Variants in CORIN observed in about 807,000 individuals in gnomAD.
CORIN encodes the protein corin, serine peptidase.
Under a neutral mutation model 125.3 loss-of-function variants are expected in CORIN, and 117 were observed. That is an observed-to-expected ratio of 0.93 (90% CI 0.80 to 1.09). The LOEUF (loss-of-function observed/expected upper bound fraction) is 1.09, where lower values mean the gene tolerates loss of function less well. CORIN is among the 50% of genes least tolerant of loss of function. CORIN has a pLI of 0.00. For missense variants in CORIN, 1,253 were observed against 1,306.7 expected, an observed-to-expected ratio of 0.96 and a Z score of 0.63; for synonymous variants, 450 against 466.4, an observed-to-expected ratio of 0.96 and a Z score of 0.45.
chr4:47,660,578 CTCAACA>C (rs1430622213), intron 12 of CORIN, among the ~76,000 whole-genome samples: 1 of 152,128 alleles, frequency 6.6e-6, no homozygotes, highest in Non-Finnish European at 1.5e-5. Flanking sequence ...TGAAAAGGTG[CTCAACA>C]TCACTGACTA....
intron 21 of CORIN, among the ~76,000 whole-genome samples, chr4:47,596,712 T>C (rs1379508053): frequency 6.6e-6 from 1 of 152,186 alleles, no homozygotes; most frequent in African/African-American, 2.4e-5. Context: ...ATACGTGAAT[T>C]CATTGTGGAA....
chr4:47,784,735 A>T (rs544707026), intron 3 of CORIN, among the ~76,000 whole-genome samples: 1 of 152,276 alleles, frequency 6.6e-6, no homozygotes, highest in African/African-American at 2.4e-5. Flanking sequence ...TGCTTAAGAC[A>T]TGACTGAAAA....
At chr4:47,832,925 T>G (rs561831989) in intron 1 of CORIN, among the ~76,000 whole-genome samples, 2 of 152,186 alleles carry the variant, frequency 1.3e-5, no homozygotes, top group Non-Finnish European at 2.9e-5. Flanking sequence ...AATAAATTTT[T>G]AATTTGATTT....
chr4:47,797,520 A>G (rs73135997), intron 2 of CORIN, among the ~76,000 whole-genome samples: 1,521 of 152,068 alleles, frequency 0.01, 23 homozygotes, highest in African/African-American at 0.033. Context: ...GGCAATTCAA[A>G]TATCTTGCAG....
At chr4:47,654,722 A>T (rs4642223) in intron 12 of CORIN, among the ~76,000 whole-genome samples, 21,083 of 152,072 alleles carry the variant, frequency 0.14, 1,962 homozygotes, top group East Asian at 0.47. Flanking sequence ...GTCCTTAATA[A>T]ACTTGAAAGG....
chr4:47,738,777 A>G (rs1240661290), intron 5 of CORIN, among the ~76,000 whole-genome samples: 2 of 152,196 alleles, frequency 1.3e-5, no homozygotes, highest in Non-Finnish European at 2.9e-5. Context: ...AGTTATTTTA[A>G]CTCATTCAAA....
rs533707594 is a variant in CORIN at position 47,642,001 on chromosome 4, C to T, written c.2117G>A (p.Arg706Lys). The change falls in exon 16 of 22, where the codon AGA becomes AAA. Residue 706 changes from arginine (R) to lysine (K), a missense_variant. Transcript: ENST00000273857. ...VNSSSFLMVH[R>K]AATEHHVCAD... Reference sequence around the variant, plus strand: ...ACACACATGGTGTTCTGTGGCAGCTCTGTGAACCATCAGAAAGGAAGAGGA... The same window carrying T: ...ACACACATGGTGTTCTGTGGCAGCTTTGTGAACCATCAGAAAGGAAGAGGA... 2 of 1,613,550 alleles carry T rather than the reference C, an allele frequency of 1.2e-6. No individual in the cohort carries two copies. Among genetic ancestry groups the T allele is most frequent in the East Asian group, 4.5e-5 (2 of 44,864 alleles).
At chr4:47,621,993 TC>T (rs1314079928) in intron 19 of CORIN, among the ~76,000 whole-genome samples, 9 of 62,032 alleles carry the variant, frequency 1.5e-4, no homozygotes, top group Middle Eastern at 6.6e-3. Context: ...ATGCTATCCC[TC>T]CCCCCTCCCC....
intron 7 of CORIN, chr4:47,683,448 T>G: frequency 7.4e-6 from 2 of 272,016 alleles, no homozygotes; most frequent in African/African-American, 2.2e-5. Flanking sequence ...ACAGAACACA[T>G]TTGAGGAGAG....
At position 47,634,388 on chromosome 4, in the gene CORIN, C is replaced by A. The variant is rs2109587965; in HGVS notation, c.2198+7532G>T. On this transcript the variant is annotated intron_variant, in intron 16 of 21. Coordinates refer to ENST00000273857, the MANE Select transcript of CORIN (RefSeq NM_006587.4). The stretch of plus-strand genomic sequence containing the variant: ...GTGGCTCACGCCTGTAATCCCAGCA[C>A]TTTGGGAGGCCAAAGCAGGTGGATC... Among the ~76,000 whole-genome samples, 3 of 152,324 alleles carry A rather than the reference C, an allele frequency of 2.0e-5. No homozygotes were observed. In the South Asian group the frequency reaches 6.2e-4, roughly 32 times the overall value.
intron 1 of CORIN, among the ~76,000 whole-genome samples, chr4:47,826,838 C>T (rs1024304440): frequency 1.3e-5 from 2 of 152,068 alleles, no homozygotes; most frequent in African/African-American, 4.8e-5. Flanking sequence ...CATAGACACT[C>T]GCTATGTGTT....
At chr4:47,771,507 T>C (rs1730027243) in intron 3 of CORIN, among the ~76,000 whole-genome samples, 1 of 152,114 alleles carries the variant, frequency 6.6e-6, no homozygotes, top group Non-Finnish European at 1.5e-5. Flanking sequence ...ACTTGTGTCA[T>C]GGGGGGCTGT....
intron 5 of CORIN, chr4:47,707,036 T>A: frequency 6.9e-7 from 1 of 1,459,178 alleles, no homozygotes; most frequent in Non-Finnish European, 9.0e-7. Flanking sequence ...TTTAGGACAG[T>A]CATGTCTGCT....
chr4:47,604,849 G>A (rs548712403), intron 19 of CORIN, among the ~76,000 whole-genome samples: 31 of 152,168 alleles, frequency 2.0e-4, no homozygotes, highest in African/African-American at 7.0e-4. Flanking sequence ...ATTAGTCAGA[G>A]CAATATTTAA....
At chr4:47,808,277 A>T (rs1016374332) in intron 1 of CORIN, among the ~76,000 whole-genome samples, 47 of 152,224 alleles carry the variant, frequency 3.1e-4, no homozygotes, top group African/African-American at 1.1e-3. Flanking sequence ...AACTTTTTTT[A>T]AAAAAATGAA....
intron 7 of CORIN, 71 bp from the exon 8 acceptor site, chr4:47,680,322 G>T: frequency 9.6e-7 from 1 of 1,046,364 alleles, no homozygotes; most frequent in Non-Finnish European, 1.5e-6. Context: ...ATGGCTCCCA[G>T]TTCCCATCGA....
At position 47,806,115 on chromosome 4, in the gene CORIN, G is replaced by C. The variant is rs569803486; in HGVS notation, c.208+788C>G. ...TTCTGGTTTTTACTTGGTTAAAAAT[G>C]TGGTATGTAATATTTAGTTTGAGTG... On this transcript the variant is annotated intron_variant, in intron 2 of 21. Coordinates refer to ENST00000273857, the MANE Select transcript of CORIN (RefSeq NM_006587.4). Among the ~76,000 whole-genome samples, 6 of 152,122 alleles carry C rather than the reference G, an allele frequency of 3.9e-5. No individual in the cohort carries two copies. In the South Asian group the frequency reaches 1.2e-3, roughly 32 times the overall value.
rs184641775 is a variant in CORIN, at chr4:47,764,602, T to C, written c.410-1016A>G. Among the ~76,000 whole-genome samples the C allele has an allele frequency of 2.8e-3, 423 of 152,290 alleles. 4 individuals are homozygous for C. The highest frequency in any genetic ancestry group is 9.3e-3 in the African/African-American group (387 of 41,554). The stretch of plus-strand genomic sequence containing the variant: ...CTATATTATACATGAGAAAACTCAA[T>C]TTTTAGAAGGCTAAGAAATTTGCCT... On this transcript the variant is annotated intron_variant, in intron 3 of 21. Coordinates refer to ENST00000273857, the MANE Select transcript of CORIN (RefSeq NM_006587.4).
chr4:47,710,262 G>C (rs1024006914), intron 5 of CORIN, among the ~76,000 whole-genome samples: 1 of 151,998 alleles, frequency 6.6e-6, no homozygotes, highest in African/African-American at 2.4e-5. Context: ...TGAAGTTCAC[G>C]TGAAAATAAC....
Sources: allele counts gnomAD v4.1 joint callset (sites outside exome capture counted in the v4.1 genomes callset), GRCh38; gene constraint gnomAD v4.1.1; transcripts MANE v1.5; gene names NCBI Gene and HGNC (gene_info 2026-07-23, HGNC 2026-07-21).